Variants in DGKB observed in about 807,000 individuals in gnomAD.
DGKB encodes diacylglycerol kinase beta, also known as 90 kDa diacylglycerol kinase.
DGKB carries 67 observed loss-of-function variants against 114.3 expected under a neutral mutation model. The observed-to-expected ratio is 0.59, with a 90% CI of 0.48 to 0.72. The LOEUF (loss-of-function observed/expected upper bound fraction) is 0.72, where lower values mean the gene tolerates loss of function less well. Among genes scored for constraint, DGKB ranks in the 30% least tolerant of loss-of-function variants. The pLI is 0.00. For synonymous variants in DGKB, 398 were observed against 323.1 expected (o/e 1.23, Z -2.49); for missense variants, 907 against 975.2 (o/e 0.93, Z 0.93).
intron 17 of DGKB, among the ~76,000 whole-genome samples, chr7:14,599,034 T>C (rs1483304171): frequency 2.0e-5 from 3 of 152,326 alleles, no homozygotes; most frequent in African/African-American, 7.2e-5. Flanking sequence ...GGAAAATAGT[T>C]TATTTTTGGT....
chr7:14,448,777 G>A (rs1005701175), intron 21 of DGKB, among the ~76,000 whole-genome samples: 6 of 152,114 alleles, frequency 3.9e-5, no homozygotes, highest in Admixed American at 3.3e-4. Flanking sequence ...AAGTGGTAGA[G>A]CTGGGATTCA....
intron 1 of DGKB, among the ~76,000 whole-genome samples, chr7:14,940,790 A>AT (rs1237215532): frequency 6.6e-6 from 1 of 151,502 alleles, no homozygotes; most frequent in Non-Finnish European, 1.5e-5. Flanking sequence ...TTTATTTTTT[A>AT]TTTTTTGTGT....
chr7:14,748,786 T>G (rs1277009474), intron 4 of DGKB, among the ~76,000 whole-genome samples: 1 of 152,144 alleles, frequency 6.6e-6, no homozygotes, highest in East Asian at 1.9e-4. Context: ...CTATCATCAG[T>G]TTTTATGTTT....
intron 15 of DGKB, among the ~76,000 whole-genome samples, chr7:14,620,523 G>C (rs531776120): frequency 1.3e-5 from 2 of 151,664 alleles, no homozygotes; most frequent in Non-Finnish European, 3.0e-5. Context: ...ATGAATGCAA[G>C]TGTGTGACAT....
chr7:14,159,826 C>T (rs1029667796), intron 25 of DGKB, among the ~76,000 whole-genome samples: 1 of 152,072 alleles, frequency 6.6e-6, no homozygotes, highest in Non-Finnish European at 1.5e-5. Flanking sequence ...GCGTCCACCA[C>T]CACGCCCAGC....
At chr7:14,350,002 C>T (rs549198765) in intron 21 of DGKB, among the ~76,000 whole-genome samples, 66 of 152,176 alleles carry the variant, frequency 4.3e-4, no homozygotes, top group Non-Finnish European at 8.2e-4. Context: ...AAAAGTTATT[C>T]ATGTAATTAT....
chr7:14,745,904 C>CATTT (rs1399158839), intron 4 of DGKB, among the ~76,000 whole-genome samples: 3 of 152,316 alleles, frequency 2.0e-5, no homozygotes, highest in African/African-American at 4.8e-5. Context: ...ATAAGCAACA[C>CATTT]ATTTCTTCTT....
chr7:14,606,401 G>A lies in DGKB; in HGVS notation c.1433+1033C>T, dbSNP rs148048104. Among the ~76,000 whole-genome samples, 1,109 of 152,142 alleles carry A rather than the reference G, an allele frequency of 7.3e-3. 4 individuals carry two copies. Among genetic ancestry groups the A allele is most frequent in the Non-Finnish European group, 0.013 (866 of 67,994 alleles). On this transcript the variant is annotated intron_variant, in intron 17 of 25. Coordinates refer to ENST00000402815, the MANE Select transcript of DGKB (RefSeq NM_001350709.2). Reference sequence around the variant, plus strand: ...GGAAACTGATCCCAGACAGCAGGCAGCAAGGCAGTAGAAGAAAGAGCTGAA... The same window carrying A: ...GGAAACTGATCCCAGACAGCAGGCAACAAGGCAGTAGAAGAAAGAGCTGAA...
intron 23 of DGKB, among the ~76,000 whole-genome samples, chr7:14,266,940 T>G (rs1435367108): frequency 6.6e-6 from 1 of 152,234 alleles, no homozygotes; most frequent in East Asian, 1.9e-4. Flanking sequence ...TTTAATTTCT[T>G]TGTCATCTAA....
chr7:14,224,090 T>A (rs114058040), intron 23 of DGKB, among the ~76,000 whole-genome samples: 4,902 of 151,920 alleles, frequency 0.032, 264 homozygotes, highest in African/African-American at 0.11. Flanking sequence ...TAAAGCTGGG[T>A]AGTTTTTAGC....
chr7:14,841,685 T>G (rs900967411), intron 1 of DGKB, among the ~76,000 whole-genome samples: 8 of 152,192 alleles, frequency 5.3e-5, no homozygotes, highest in African/African-American at 1.9e-4. Context: ...GTACCAATTT[T>G]TTAATATGTA....
At chr7:14,779,676 A>G (rs1838775595) in intron 2 of DGKB, among the ~76,000 whole-genome samples, 1 of 152,180 alleles carries the variant, frequency 6.6e-6, no homozygotes, top group Admixed American at 6.5e-5. Flanking sequence ...TTGTTTAACC[A>G]TCTGTTTCTT....
intron 7 of DGKB, among the ~76,000 whole-genome samples, chr7:14,700,251 T>C (rs1188259847): frequency 2.0e-5 from 3 of 149,572 alleles, no homozygotes; most frequent in Non-Finnish European, 3.0e-5. Context: ...TCTTGCTCTC[T>C]CGCCCAGGCT....
At chr7:14,487,882 G>A (rs1897300) in intron 20 of DGKB, among the ~76,000 whole-genome samples, 77,991 of 151,772 alleles carry the variant, frequency 0.51, 20,529 homozygotes, top group East Asian at 0.86. Context: ...AAAAGTGTTG[G>A]AATTAACAGG....
At chr7:14,901,999 T>C (rs1587332830) in intron 1 of DGKB, among the ~76,000 whole-genome samples, 1 of 152,122 alleles carries the variant, frequency 6.6e-6, no homozygotes, top group Non-Finnish European at 1.5e-5. Flanking sequence ...AGGAAGAAAC[T>C]GAGGGGACCC....
At chr7:14,318,347 G>A (rs1391130202) in intron 23 of DGKB, among the ~76,000 whole-genome samples, 1 of 151,630 alleles carries the variant, frequency 6.6e-6, no homozygotes, top group Admixed American at 6.6e-5. Flanking sequence ...GAGTGAACAG[G>A]CAACCTATAG....
At chr7:14,568,562 G>C (rs1407265445) in intron 20 of DGKB, among the ~76,000 whole-genome samples, 1 of 152,288 alleles carries the variant, frequency 6.6e-6, no homozygotes, top group Non-Finnish European at 1.5e-5. Context: ...AAGATGGAAG[G>C]AGCCTGGGTC....
chr7:14,908,297 CTCTT>C (rs1418773334), upstream of DGKB, among the ~76,000 whole-genome samples: 1 of 152,204 alleles, frequency 6.6e-6, no homozygotes, highest in Admixed American at 6.5e-5. Context: ...TATCCCATCA[CTCTT>C]TCTAACACGC....
chr7:14,319,302 T>C (rs1384246840), intron 23 of DGKB, among the ~76,000 whole-genome samples: 2 of 145,252 alleles, frequency 1.4e-5, no homozygotes, highest in Non-Finnish European at 3.0e-5. Flanking sequence ...AAAAAAAATA[T>C]TGCAATAAAT....
Sources: allele counts gnomAD v4.1 joint callset (sites outside exome capture counted in the v4.1 genomes callset), GRCh38; gene constraint gnomAD v4.1.1; transcripts MANE v1.5; gene names NCBI Gene and HGNC (gene_info 2026-07-23, HGNC 2026-07-21).